Variants in HECW2 observed in about 807,000 individuals in gnomAD.
HECW2 encodes E3 ubiquitin-protein ligase HECW2.
In HECW2, 61 loss-of-function variants were observed where a neutral mutation model predicts 175.2. The observed-to-expected ratio is 0.35, with a 90% CI of 0.28 to 0.43. HECW2 has a LOEUF of 0.43. Ranked by LOEUF, HECW2 falls within the 20% of genes least tolerant of loss-of-function variation. The pLI is 1.00. For missense variants in HECW2, 1,524 were observed against 2,000.5 expected, an observed-to-expected ratio of 0.76 and a Z score of 4.54; for synonymous variants, 671 against 731.0, an observed-to-expected ratio of 0.92 and a Z score of 1.32.
At chr2:196,377,603 C>T (rs923349211) in intron 2 of HECW2, among the ~76,000 whole-genome samples, 1 of 152,214 alleles carries the variant, frequency 6.6e-6, no homozygotes, top group Non-Finnish European at 1.5e-5. Context: ...ACTTACCTCC[C>T]ACTGGGTTCC....
At chr2:196,383,904 C>T (rs1422156932) in intron 2 of HECW2, among the ~76,000 whole-genome samples, 1 of 152,108 alleles carries the variant, frequency 6.6e-6, no homozygotes, top group Non-Finnish European at 1.5e-5. Context: ...AAATATATTC[C>T]CTGAGTTAAA....
intron 28 of HECW2, among the ~76,000 whole-genome samples, chr2:196,209,620 G>A (rs1318142848): frequency 6.6e-6 from 1 of 152,148 alleles, no homozygotes; most frequent in East Asian, 1.9e-4. Flanking sequence ...TCTCCCACAC[G>A]AAAAGCCACA....
chr2:196,590,837 T>C (rs901009842), intron 1 of HECW2, among the ~76,000 whole-genome samples: 1 of 152,232 alleles, frequency 6.6e-6, no homozygotes, highest in East Asian at 1.9e-4. Flanking sequence ...TAAGAAAATA[T>C]AGGTTTTTCT....
In HECW2 at chr2:196,547,675, T is replaced by A. The variant is rs555089672; in HGVS notation, c.-36+45833A>T. On this transcript the variant is annotated intron_variant, in intron 1 of 28. Coordinates refer to ENST00000644978, the MANE Select transcript of HECW2 (RefSeq NM_001348768.2). ...CCTGAACAGGAGCAATATTTATGTT[T>A]CACATTTAACAGTCAAGAGATAAGC... Among the ~76,000 whole-genome samples, 3 of 152,334 alleles carry A rather than the reference T, an allele frequency of 2.0e-5. No individual in the cohort carries two copies. In the East Asian group the frequency reaches 5.8e-4, roughly 29 times the overall value.
intron 1 of HECW2, among the ~76,000 whole-genome samples, chr2:196,518,410 C>T (rs934059942): frequency 2.6e-5 from 4 of 152,158 alleles, no homozygotes; most frequent in African/African-American, 9.6e-5. Flanking sequence ...AATCCCAGCA[C>T]TTTGGGAGGC....
At chr2:196,379,019 C>A (rs904447210) in intron 2 of HECW2, among the ~76,000 whole-genome samples, 24 of 151,846 alleles carry the variant, frequency 1.6e-4, no homozygotes, top group African/African-American at 5.8e-4. Flanking sequence ...TTTTGGTTAA[C>A]CTCCAATTTA....
intron 2 of HECW2, among the ~76,000 whole-genome samples, chr2:196,423,860 C>T (rs973580537): frequency 4.6e-5 from 7 of 152,000 alleles, no homozygotes; most frequent in African/African-American, 1.7e-4. Flanking sequence ...GATATGTATA[C>T]CCATAAGTGG....
chr2:196,530,188 T>C (rs1688795880), intron 1 of HECW2, among the ~76,000 whole-genome samples: 2 of 152,238 alleles, frequency 1.3e-5, no homozygotes, highest in South Asian at 4.1e-4. Flanking sequence ...CCTCCCACTC[T>C]TACAGCAAGC....
rs1691858390 is a variant in HECW2, at chr2:196,319,558, A to G, written c.1332T>C (p.Ser444=). Residue 444 remains serine (S), a synonymous_variant, in exon 9 of 29, where the codon TCT becomes TCC. Coordinates refer to ENST00000644978, the MANE Select transcript of HECW2 (RefSeq NM_001348768.2). ...TGGGAAAACTACTCCTCAGTTTCGGAGAGGCACCCATGGACCTCTCAGAGC... is the reference window on the plus strand; with the variant it reads ...TGGGAAAACTACTCCTCAGTTTCGGGGAGGCACCCATGGACCTCTCAGAGC... ...ATCSERSMGA[S]PKLRSSFPTD... 2 of 1,614,046 alleles carry G rather than the reference A, an allele frequency of 1.2e-6. No individual in the cohort carries two copies. The highest frequency in any genetic ancestry group is 3.3e-5 in the Admixed American group (2 of 60,000).
rs1224450035 is a variant in HECW2 at position 196,198,889 on chromosome 2, AACAGTATCAACTAGATGATTAT to A, written c.*2366_*2387del. 1 of 152,188 alleles carries A rather than the reference AACAGTATCAACTAGATGATTAT, an allele frequency of 6.6e-6. No individual in the cohort carries two copies. The highest frequency in any genetic ancestry group is 1.5e-5 in the Non-Finnish European group (1 of 68,012). 9.4% of individuals were successfully genotyped at this position (152,188 alleles called of 1,614,324 possible). ...CATCTTTGATAATTCCCAATCTGAG[AACAGTATCAACTAGATGATTAT>A]ACTAATTAAGAATGTCTACATACAT... On this transcript the variant is annotated 3_prime_UTR_variant, in exon 29 of 29. Coordinates refer to ENST00000644978, the MANE Select transcript of HECW2 (RefSeq NM_001348768.2).
At chr2:196,307,066 G>T in intron 12 of HECW2, 64 bp downstream of exon 12, 1 of 1,130,306 alleles carries the variant, frequency 8.8e-7, no homozygotes, top group South Asian at 1.3e-5. Flanking sequence ...TACTTGTTGG[G>T]AATCCTTATT....
At chr2:196,542,377 C>T (rs1160587735) in intron 1 of HECW2, among the ~76,000 whole-genome samples, 8 of 151,698 alleles carry the variant, frequency 5.3e-5, no homozygotes, top group Non-Finnish European at 1.2e-4. Context: ...AAAGGCAAAT[C>T]CAACACTGGA....
intron 1 of HECW2, among the ~76,000 whole-genome samples, chr2:196,546,547 T>C (rs1689429268): frequency 6.6e-6 from 1 of 152,156 alleles, no homozygotes; most frequent in Non-Finnish European, 1.5e-5. Flanking sequence ...AGAAACAGTT[T>C]ATGGTGCACA....
chr2:196,534,526 G>A (rs1287871203), intron 1 of HECW2, among the ~76,000 whole-genome samples: 3 of 152,134 alleles, frequency 2.0e-5, no homozygotes, highest in African/African-American at 2.4e-5. Flanking sequence ...AATGAGAACG[G>A]GGTTGAAATG....
intron 2 of HECW2, among the ~76,000 whole-genome samples, chr2:196,362,380 CAG>C (rs1223819788): frequency 1.1e-4 from 14 of 127,918 alleles, no homozygotes; most frequent in Admixed American, 5.0e-4. Context: ...CACACACACA[CAG>C]AGTGGGCTGA....
At chr2:196,540,115 A>G (rs1447861204) in intron 1 of HECW2, among the ~76,000 whole-genome samples, 1 of 152,224 alleles carries the variant, frequency 6.6e-6, no homozygotes, top group African/African-American at 2.4e-5. Flanking sequence ...GAGTTGTACT[A>G]TATTTTTGGG....
chr2:196,394,919 T>A (rs1438811863), intron 2 of HECW2, among the ~76,000 whole-genome samples: 1 of 152,116 alleles, frequency 6.6e-6, no homozygotes, highest in African/African-American at 2.4e-5. Context: ...GGCTGGGAAG[T>A]CTAAGATCAA....
intron 1 of HECW2, among the ~76,000 whole-genome samples, chr2:196,479,632 C>T (rs998295378): frequency 6.6e-6 from 1 of 152,214 alleles, no homozygotes. Context: ...AAGCACATTA[C>T]ACTGTGTTAA....
intron 2 of HECW2, among the ~76,000 whole-genome samples, chr2:196,388,654 C>T (rs142427963): frequency 6.6e-6 from 1 of 152,242 alleles, no homozygotes; most frequent in Non-Finnish European, 1.5e-5. Flanking sequence ...ACTTGTGGGA[C>T]TTCAACATAT....
Sources: gnomAD v4.1 joint callset for allele counts (sites outside exome capture counted in the v4.1 genomes callset) on GRCh38, gnomAD v4.1.1 for gene constraint, MANE v1.5 for transcripts, NCBI Gene and HGNC (gene_info 2026-07-23, HGNC 2026-07-21) for gene names.